The following PUM2 variants were observed in gnomAD, a reference collection of about 807,000 sequenced individuals.
PUM2 encodes the protein pumilio homolog 2.
Under a neutral mutation model 124.5 loss-of-function variants are expected in PUM2, and 57 were observed. The ratio of observed to expected loss-of-function variants is 0.46; its 90% CI spans 0.37 to 0.57. The LOEUF (loss-of-function observed/expected upper bound fraction) is 0.57, where lower values mean the gene tolerates loss of function less well. Ranked by LOEUF, PUM2 falls within the 20% of genes least tolerant of loss-of-function variation. The pLI, the probability that PUM2 is intolerant of heterozygous loss-of-function variation, is 0.00. For missense variants in PUM2, 1,065 were observed against 1,290.6 expected, an observed-to-expected ratio of 0.83 and a Z score of 2.68; for synonymous variants, 460 against 446.1, an observed-to-expected ratio of 1.03 and a Z score of -0.39.
chr2:20,263,824 T>A (rs965634860), intron 13 of PUM2, among the ~76,000 whole-genome samples: 2 of 152,182 alleles, frequency 1.3e-5, no homozygotes, highest in African/African-American at 4.8e-5. Context: ...CAAACTTACA[T>A]TTTAAGCCAC....
intron 3 of PUM2, among the ~76,000 whole-genome samples, chr2:20,317,466 G>T (rs1340859970): frequency 6.6e-6 from 1 of 152,100 alleles, no homozygotes; most frequent in African/African-American, 2.4e-5. Context: ...AATCAGTCAC[G>T]ATCACCTAGT....
rs1313021561 is a variant in PUM2, at chr2:20,350,758, C to G, written c.-180G>C. On this transcript the variant is annotated 5_prime_UTR_variant, in exon 1 of 21. Coordinates refer to ENST00000361078, the MANE Select transcript of PUM2 (RefSeq NM_015317.5). ...CCCACCCCACCTCCTCCTTCTCCTCCCCCTCCTCCTCCGAACCACCGAAGT... is the reference window on the plus strand; with the variant it reads ...CCCACCCCACCTCCTCCTTCTCCTCGCCCTCCTCCTCCGAACCACCGAAGT... 1.3e-5 allele frequency: 13 copies of G among 973,744 alleles called. No individual in the cohort carries two copies. In the African/African-American group the frequency reaches 2.3e-4, roughly 17 times the overall value. 60.3% of individuals were successfully genotyped at this position (973,744 alleles called of 1,614,324 possible).
intron 7 of PUM2, among the ~76,000 whole-genome samples, chr2:20,305,812 A>T (rs1478560523): frequency 1.3e-5 from 2 of 152,200 alleles, no homozygotes; most frequent in Non-Finnish European, 2.9e-5. Flanking sequence ...CATAAAATAC[A>T]TAAAATAAAC....
At position 20,256,183 on chromosome 2, in the gene PUM2, G is replaced by A; in HGVS notation, c.2485-13C>T. On this transcript the variant is annotated splice_polypyrimidine_tract_variant and intron_variant, in intron 16 of 20. Coordinates refer to ENST00000361078, the MANE Select transcript of PUM2 (RefSeq NM_015317.5). Reference sequence around the variant, plus strand: ...TTACCATTTCACTCTGCAAAAGACAGGATGTCATTTAAATTATTACCTCAA... The same window carrying A: ...TTACCATTTCACTCTGCAAAAGACAAGATGTCATTTAAATTATTACCTCAA... 1 of 1,569,718 alleles carries A rather than the reference G, an allele frequency of 6.4e-7. No homozygotes were observed. Among genetic ancestry groups the A allele is most frequent in the Admixed American group, 2.0e-5 (1 of 49,364 alleles).
rs1484065569 is a variant in PUM2, at chr2:20,250,713, C to A, written c.*872G>T. ...GCCTCTATGAAAAAGCAAAATAAAG[C>A]TCAACACTTCCTCAACATGTCTGTA... On this transcript the variant is annotated 3_prime_UTR_variant, in exon 21 of 21. Transcript: ENST00000361078. The A allele has an allele frequency of 6.6e-6, 1 of 152,232 alleles. No individual in the cohort carries two copies. The highest frequency in any genetic ancestry group is 1.5e-5 in the Non-Finnish European group (1 of 67,988). 9.4% of individuals were successfully genotyped at this position (152,232 alleles called of 1,614,324 possible). A position where few individuals can be genotyped will look rare whatever the true frequency, so the allele number is the denominator to read the frequency against.
At chr2:20,300,029 G>C (rs1226812970) in intron 7 of PUM2, among the ~76,000 whole-genome samples, 1 of 152,234 alleles carries the variant, frequency 6.6e-6, no homozygotes, top group African/African-American at 2.4e-5. Flanking sequence ...GCAGGCTTCA[G>C]AGAGAATAGA....
At chr2:20,291,510 T>C (rs1460558763) in intron 9 of PUM2, among the ~76,000 whole-genome samples, 2 of 152,252 alleles carry the variant, frequency 1.3e-5, no homozygotes, top group Non-Finnish European at 2.9e-5. Context: ...GAAGAGAATG[T>C]TGAACAAGTC....
rs1162852075 is a variant in PUM2, at chr2:20,315,734, G to T, written c.160+2803C>A. Reference sequence around the variant, plus strand: ...CCAGCACTTCGGGAGGCTGAGGCAGGTGGATTGTTTGAGCTCAGGGGTTTG... The same window carrying T: ...CCAGCACTTCGGGAGGCTGAGGCAGTTGGATTGTTTGAGCTCAGGGGTTTG... On this transcript the variant is annotated intron_variant, in intron 3 of 20. Coordinates refer to ENST00000361078, the MANE Select transcript of PUM2 (RefSeq NM_015317.5). Among the ~76,000 whole-genome samples, 3 of 151,324 alleles carry T rather than the reference G, an allele frequency of 2.0e-5. No individual in the cohort carries two copies. In the East Asian group the frequency reaches 5.8e-4, roughly 29 times the overall value.
rs768400407 is a variant in PUM2 at position 20,318,616 on chromosome 2, A to G, written c.81T>C (p.Pro27=). The change falls in exon 3 of 21, where the codon CCT becomes CCC. Residue 27 remains proline (P), a synonymous_variant. Transcript: ENST00000361078. ...ELLPTKKFWE[P]DDSTKDGQKG... ...TTTGTCCATCTTTTGTTGAATCATC[A>G]GGTTCCCAAAACTTTTTGGTAGGCA... 107 of 1,613,378 alleles carry G rather than the reference A, an allele frequency of 6.6e-5. No homozygotes were observed. The highest frequency in any genetic ancestry group is 8.7e-5 in the Non-Finnish European group (103 of 1,179,894).
intron 16 of PUM2, 40 bp from the exon 17 acceptor site, chr2:20,256,210 C>G: frequency 6.5e-7 from 1 of 1,528,328 alleles, no homozygotes; most frequent in East Asian, 2.5e-5. Flanking sequence ...TTACCTCAAA[C>G]GAGAAAATAC....
Position 20,278,570 on chromosome 2 carries a change from G to GA in PUM2, c.1957+12_1957+13insT. ...ATACATACAAATAAAAAGGGTTTTG[G>GA]TTTTTTTTTTACCTAAATGCAAACT... is the stretch of plus-strand genomic sequence containing the variant. On this transcript the variant is annotated intron_variant, in intron 13 of 20. Coordinates refer to ENST00000361078, the MANE Select transcript of PUM2 (RefSeq NM_015317.5). The GA allele has an allele frequency of 1.5e-6, 2 of 1,352,880 alleles. No individual in the cohort carries two copies. The highest frequency in any genetic ancestry group is 2.0e-6 in the Non-Finnish European group (2 of 981,874). The allele number at this position is 1,352,880 out of a possible 1,614,324, so 83.8% of individuals were successfully genotyped here.
chr2:20,326,270 A>G lies in PUM2; in HGVS notation c.51+1040T>C, dbSNP rs1683649514. 3.1e-6 allele frequency: 4 copies of G among 1,303,674 alleles called. No homozygotes were observed. The African/African-American group carries it at 6.1e-5, about 20-fold the overall frequency. The allele number at this position is 1,303,674 out of a possible 1,614,324, so 80.8% of individuals were successfully genotyped here. A position where few individuals can be genotyped will look rare whatever the true frequency, so the allele number is the denominator to read the frequency against. ...AAGCACCTTAACTCACCCTTAAATC[A>G]GTCCTCTGAAAATGACATACTCTTT... On this transcript the variant is annotated intron_variant, in intron 2 of 20. Coordinates refer to ENST00000361078, the MANE Select transcript of PUM2 (RefSeq NM_015317.5).
intron 8 of PUM2, 40 bp downstream of exon 8, chr2:20,297,512 TA>T: frequency 6.8e-7 from 1 of 1,476,660 alleles, no homozygotes; most frequent in South Asian, 1.4e-5. Flanking sequence ...CTAAATACAT[TA>T]AAAAGCAACC....
chr2:20,346,311 AAACT>A (rs1688233946), intron 1 of PUM2, among the ~76,000 whole-genome samples: 2 of 152,350 alleles, frequency 1.3e-5, no homozygotes, highest in South Asian at 2.1e-4. Flanking sequence ...TGTTCTTAAT[AAACT>A]AACTTAAAAA....
At chr2:20,339,400 A>G (rs1686788333) in intron 1 of PUM2, among the ~76,000 whole-genome samples, 1 of 152,166 alleles carries the variant, frequency 6.6e-6, no homozygotes, top group African/African-American at 2.4e-5. Context: ...TAAAAGAAAA[A>G]TATTTTCATT....
chr2:20,292,185 G>A (rs1159405593), intron 9 of PUM2, among the ~76,000 whole-genome samples: 1 of 151,414 alleles, frequency 6.6e-6, no homozygotes, highest in Non-Finnish European at 1.5e-5. Context: ...CCGGGAGGTG[G>A]CCAAAATCCT....
At chr2:20,261,394 C>CAAAA (rs200294801) in intron 14 of PUM2, among the ~76,000 whole-genome samples, 905 of 76,522 alleles carry the variant, frequency 0.012, 211 homozygotes, top group Non-Finnish European at 0.018. Flanking sequence ...ACTCTGTCTC[C>CAAAA]AAAAAAAAAA....
intron 13 of PUM2, among the ~76,000 whole-genome samples, chr2:20,269,527 C>T (rs1668539839): frequency 6.6e-6 from 1 of 152,030 alleles, no homozygotes. Context: ...AAAGACACAA[C>T]AATTTTATTG....
chr2:20,287,466 C>G (rs1057195067), intron 10 of PUM2, among the ~76,000 whole-genome samples: 2 of 151,916 alleles, frequency 1.3e-5, no homozygotes, highest in Non-Finnish European at 2.9e-5. Flanking sequence ...ACTATATACA[C>G]CAATTTTGTT....
Sources: gnomAD v4.1 joint callset for allele counts (sites outside exome capture counted in the v4.1 genomes callset) on GRCh38, gnomAD v4.1.1 for gene constraint, MANE v1.5 for transcripts, NCBI Gene and HGNC (gene_info 2026-07-23, HGNC 2026-07-21) for gene names.